Variants in DCHS1 observed in about 807,000 individuals in gnomAD.
DCHS1 encodes protocadherin-16.
A neutral mutation model predicts 213.9 loss-of-function variants in DCHS1; 78 were observed. The ratio of observed to expected loss-of-function variants is 0.36; its 90% CI spans 0.30 to 0.44. The LOEUF (loss-of-function observed/expected upper bound fraction) is 0.44. Among genes scored for constraint, DCHS1 ranks in the 20% least tolerant of loss-of-function variants. DCHS1 has a pLI of 1.00. For synonymous variants in DCHS1, 1,828 were observed against 1,873.7 expected (o/e 0.98, Z 0.63); for missense variants, 3,946 against 4,395.9 (o/e 0.90, Z 2.89).
Position 6,629,744 on chromosome 11 carries a change from T to A in DCHS1, c.4963A>T (p.Ser1655Cys). The A allele has an allele frequency of 6.2e-7, 1 of 1,613,912 alleles. No individual in the cohort carries two copies. Among genetic ancestry groups the A allele is most frequent in the South Asian group, 1.1e-5 (1 of 91,090 alleles). The change falls in exon 11 of 21, where the codon AGC becomes TGC. Residue 1655 changes from serine to cysteine, a missense_variant. By Grantham distance (112) the Ser-to-Cys change is moderately radical (BLOSUM62 -1). This residue lies in a region of DCHS1 where 3,384 missense variants were observed against 3,780.1 expected (regional missense o/e 0.90). Transcript: ENST00000299441. The part of the protein sequence containing the change: ...EAPTFQQQEY[S>C]VLLRENNPPG... Reference sequence around the variant, plus strand: ...GGGTTGTTCTCACGCAAGAGGACGCTGTACTCCTGCTGCTGGAAAGTAGGC... The same window carrying A: ...GGGTTGTTCTCACGCAAGAGGACGCAGTACTCCTGCTGCTGGAAAGTAGGC...
rs1322190073 is a variant in DCHS1 at position 6,630,140 on chromosome 11, C to G, written c.4654G>C (p.Val1552Leu). Residue 1552 changes from valine (V) to leucine (L), a missense_variant, in exon 10 of 21, where the codon GTG becomes CTG. By Grantham distance (32) the Val-to-Leu change is conservative. Transcript: ENST00000299441. ...GGCGGCTGGTCCTCTGGGAGGCGCA[C>G]GCGTGACGGCGAGGCGAAGACAGGC... ...NAPVFASPSR[V>L]RLPEDQPPGP... 1.2e-6 allele frequency: 2 copies of G among 1,604,374 alleles called. No individual in the cohort carries two copies. Among genetic ancestry groups the G allele is most frequent in the Non-Finnish European group, 1.7e-6 (2 of 1,174,880 alleles).
At chr11:6,645,025 C>T (rs2659863) in intron 1 of DCHS1, among the ~76,000 whole-genome samples, 1 of 152,108 alleles carries the variant, frequency 6.6e-6, no homozygotes, top group African/African-American at 2.4e-5. Context: ...CCCCAGGCTG[C>T]GCATTATGTC....
rs1490806308 is a variant in DCHS1, at chr11:6,622,973, C to T, written c.8703G>A (p.Glu2901=). 1 of 1,574,038 alleles carries T rather than the reference C, an allele frequency of 6.4e-7. No homozygotes were observed. The highest frequency in any genetic ancestry group is 1.2e-5 in the South Asian group (1 of 85,952). Residue 2901 remains glutamate (E), a synonymous_variant, in exon 21 of 21, where the codon GAG becomes GAA. Transcript: ENST00000299441. The surrounding 1 kb of genome is among the most constrained non-coding windows in gnomAD (Gnocchi z 5.4). The part of the protein sequence containing the change: ...RREAPRELRL[E]VIARGPLPGS... Reference sequence around the variant, plus strand: ...CAGGCAGAGGCCCCCGTGCTATCACCTCCAGCCTCAGCTCCCGTGGTGCTT... The same window carrying T: ...CAGGCAGAGGCCCCCGTGCTATCACTTCCAGCCTCAGCTCCCGTGGTGCTT...
chr11:6,640,692 C>A lies in DCHS1; in HGVS notation c.922G>T (p.Asp308Tyr). 6.2e-7 allele frequency: 1 copy of A among 1,613,592 alleles called. No homozygotes were observed. The highest frequency in any genetic ancestry group is 8.5e-7 in the Non-Finnish European group (1 of 1,179,886). ...AACTGCAGCAGCCCCGTGTGTGCGT[C>A]GATGGAGAAGGGTCCATCACCCTCG... ...QSEGDGPFSIDAHTGLLQLER... is the reference protein window; with the variant it reads ...QSEGDGPFSIYAHTGLLQLER... Residue 308 changes from aspartate to tyrosine, a missense_variant, in exon 2 of 21, where the codon GAC becomes TAC. Coordinates refer to ENST00000299441, the MANE Select transcript of DCHS1 (RefSeq NM_003737.4). The surrounding 1 kb of genome is among the most constrained non-coding windows in gnomAD (Gnocchi z 6.5).
rs1266237688 is a variant in DCHS1, at chr11:6,647,832, G to A, written c.-120-6099C>T. 3.3e-5 allele frequency among the ~76,000 whole-genome samples: 5 copies of A among 152,190 alleles called. No individual in the cohort carries two copies. The South Asian group carries it at 1.0e-3, about 31-fold the overall frequency. On this transcript the variant is annotated intron_variant, in intron 1 of 20. Coordinates refer to ENST00000299441, the MANE Select transcript of DCHS1 (RefSeq NM_003737.4). Reference sequence around the variant, plus strand: ...GACAGAGTCCTCACAGGGCAAGGGAGGCCTGAAAAAGGAAGAGAATCTGGA... The same window carrying A: ...GACAGAGTCCTCACAGGGCAAGGGAAGCCTGAAAAAGGAAGAGAATCTGGA...
At position 6,624,133 on chromosome 11, in the gene DCHS1, G is replaced by A. The variant is rs1490378006; in HGVS notation, c.7543C>T (p.His2515Tyr). The change falls in exon 21 of 21, where the codon CAT (histidine) becomes TAT (tyrosine). Residue 2515 changes from histidine (H) to tyrosine (Y), a missense_variant. Physicochemically the swap from His to Tyr is moderately conservative, Grantham distance 83. Transcript: ENST00000299441. ...EATDADGSRS[H>Y]AAVDYSIISG... ...ATGATGCTGTAGTCCACAGCGGCAT[G>A]GCTGCGGCTTCCATCAGCATCTGTA... The A allele has an allele frequency of 1.2e-6, 2 of 1,611,694 alleles. No homozygotes were observed. Among genetic ancestry groups the A allele is most frequent in the African/African-American group, 1.3e-5 (1 of 74,940 alleles).
intron 1 of DCHS1, among the ~76,000 whole-genome samples, chr11:6,655,210 C>G (rs1254701302): frequency 6.6e-6 from 1 of 152,126 alleles, no homozygotes; most frequent in East Asian, 1.9e-4. Context: ...CAGAGTGACA[C>G]GCACATGCAC....
chr11:6,630,805 G>A lies in DCHS1; in HGVS notation c.3989C>T (p.Ala1330Val). The change falls in exon 10 of 21, where the codon GCG becomes GTG. Residue 1330 changes from alanine to valine, a missense_variant. Around this residue, in one of 3 missense-constraint regions of DCHS1, gnomAD observed 3,384 missense variants for 3,780.1 expected, o/e 0.90. Coordinates refer to ENST00000299441, the MANE Select transcript of DCHS1 (RefSeq NM_003737.4). Reference sequence around the variant, plus strand: ...CGTCAGCACGACAGGCACTGGTGCCGCTGGGTCCCGCTCTGCGAGATCTGG... The same window carrying A: ...CGTCAGCACGACAGGCACTGGTGCCACTGGGTCCCGCTCTGCGAGATCTGG... ...PPPDLAERDP[A>V]APVPVVLTVT... 1.9e-6 allele frequency: 3 copies of A among 1,541,540 alleles called. No homozygotes were observed. The highest frequency in any genetic ancestry group is 1.8e-6 in the Non-Finnish European group (2 of 1,142,162).
rs377192523 is a variant in DCHS1 at position 6,622,716 on chromosome 11, T to C, written c.8960A>G (p.Gln2987Arg). Residue 2987 changes from glutamine to arginine, a missense_variant, in exon 21 of 21, where the codon CAG becomes CGG. Physicochemically the swap from Gln to Arg is conservative, Grantham distance 43. Around this residue, in one of 3 missense-constraint regions of DCHS1, gnomAD observed 554 missense variants for 590.2 expected, o/e 0.94. Coordinates refer to ENST00000299441, the MANE Select transcript of DCHS1 (RefSeq NM_003737.4). The surrounding 1 kb of genome is among the most constrained non-coding windows in gnomAD (Gnocchi z 5.4). The stretch of plus-strand genomic sequence containing the variant: ...ACTAGGTGGCTCCCGGCCCAGTTTC[T>C]GCAGTGAGTCACTGGCTAGGGGTGC... ...QAAPLASDSL[Q>R]KLGREPPSPP... 6.4e-5 allele frequency: 102 copies of C among 1,592,574 alleles called. No homozygotes were observed. Among genetic ancestry groups the C allele is most frequent in the Non-Finnish European group, 8.4e-5 (98 of 1,169,782 alleles).
intron 6 of DCHS1, 81 bp from the exon 7 acceptor site, chr11:6,631,890 G>A: frequency 6.9e-7 from 1 of 1,455,624 alleles, no homozygotes; most frequent in Non-Finnish European, 9.1e-7. Flanking sequence ...GCTGGTGTTT[G>A]GGGAGTGGGG....
chr11:6,624,760 C>A lies in DCHS1; in HGVS notation c.7255G>T (p.Ala2419Ser). ...TTGGGGTCAACACTGAAGCCATCGG[C>A]AGGGGAAGCCAGGTGGTAGGAAATG... ...GHISYHLASP[A>S]DGFSVDPNNG... The change falls in exon 20 of 21, where the codon GCC becomes TCC. Residue 2419 changes from alanine to serine, a missense_variant. Ala to Ser is a moderately conservative substitution (Grantham distance 99). Coordinates refer to ENST00000299441, the MANE Select transcript of DCHS1 (RefSeq NM_003737.4). The A allele has an allele frequency of 6.2e-7, 1 of 1,613,852 alleles. No individual in the cohort carries two copies. The highest frequency in any genetic ancestry group is 8.5e-7 in the Non-Finnish European group (1 of 1,179,824).
intron 1 of DCHS1, among the ~76,000 whole-genome samples, chr11:6,646,422 C>T (rs890227829): frequency 3.9e-5 from 6 of 152,188 alleles, no homozygotes; most frequent in Admixed American, 3.3e-4. Context: ...CAGCTCTCCC[C>T]TGCACCATCT....
At chr11:6,634,347 C>A in intron 2 of DCHS1, 41 bp from the exon 3 acceptor site, 1 of 1,521,692 alleles carries the variant, frequency 6.6e-7, no homozygotes, top group South Asian at 1.3e-5. Context: ...CTCTTCTTTG[C>A]CAGAAAAGCC....
In DCHS1 at chr11:6,630,767, C is replaced by T; in HGVS notation, c.4027G>A (p.Glu1343Lys). The change falls in exon 10 of 21, where the codon GAG (glutamate) becomes AAG (lysine). Residue 1343 changes from glutamate to lysine, a missense_variant. Coordinates refer to ENST00000299441, the MANE Select transcript of DCHS1 (RefSeq NM_003737.4). ...VPVVLTVTAA[E>K]GLRPGSLLGS... is the part of the protein sequence containing the mutation. ...AACAGAGAGCCGGGCCGCAGTCCCT[C>T]AGCTGCTGTCACCGTCAGCACGACA... 1 of 1,547,014 alleles carries T rather than the reference C, an allele frequency of 6.5e-7. No homozygotes were observed. The highest frequency in any genetic ancestry group is 8.7e-7 in the Non-Finnish European group (1 of 1,147,290).
rs566059806 is a variant in DCHS1 at position 6,639,974 on chromosome 11, A to G, written c.1640T>C (p.Ile547Thr). ...DYELEPQPQL[I>T]VVATDGGLPP... ...CAGGCCACCATCTGTGGCCACCACA[A>G]TCAGCTGTGGCTGAGGTTCCAACTC... The change falls in exon 2 of 21, where the codon ATT (isoleucine) becomes ACT (threonine). Residue 547 changes from isoleucine to threonine, a missense_variant. Coordinates refer to ENST00000299441, the MANE Select transcript of DCHS1 (RefSeq NM_003737.4). The G allele has an allele frequency of 2.4e-5, 38 of 1,613,996 alleles. No homozygotes were observed. The Middle Eastern group carries it at 8.2e-4, about 35-fold the overall frequency.
chr11:6,645,657 G>T (rs1170668409), intron 1 of DCHS1, among the ~76,000 whole-genome samples: 1 of 152,154 alleles, frequency 6.6e-6, no homozygotes, highest in African/African-American at 2.4e-5. Context: ...ACTTCAAGAG[G>T]AGAGACTCAT....
At position 6,641,817 on chromosome 11, in the gene DCHS1, A is replaced by C; in HGVS notation, c.-120-84T>G. On this transcript the variant is annotated intron_variant, in intron 1 of 20. Coordinates refer to ENST00000299441, the MANE Select transcript of DCHS1 (RefSeq NM_003737.4). This position sits in a 1 kb window ranked among gnomAD's most constrained non-coding sequence, Gnocchi z 7.1. ...CCTGGACGAGGCCACATCAACATTC[A>C]GATATGCTCAGCCCCCAGCAGGCCC... 8.6e-7 allele frequency: 1 copy of C among 1,161,270 alleles called. No individual in the cohort carries two copies. Among genetic ancestry groups the C allele is most frequent in the Non-Finnish European group, 1.2e-6 (1 of 855,514 alleles). 71.9% of individuals were successfully genotyped at this position (1,161,270 alleles called of 1,614,324 possible). A position where few individuals can be genotyped will look rare whatever the true frequency, so the allele number is the denominator to read the frequency against.
intron 2 of DCHS1, among the ~76,000 whole-genome samples, chr11:6,635,679 C>G (rs772991330): frequency 5.3e-5 from 8 of 152,152 alleles, no homozygotes; most frequent in Non-Finnish European, 8.8e-5. Context: ...GCTGTGGGCC[C>G]GGATATCCCA....
In DCHS1 at chr11:6,653,579, A is replaced by C. The variant is rs144428462; in HGVS notation, c.-121+1984T>G. Among the ~76,000 whole-genome samples the C allele has an allele frequency of 1.5e-3, 226 of 152,374 alleles. 1 individual carries two copies. The highest frequency in any genetic ancestry group is 5.1e-3 in the African/African-American group (214 of 41,586). ...TGAGGGATGTGGGGTAATGAGTGTGAAGAAAATAGAAAAAAAATCATCTAT... is the reference window on the plus strand; with the variant it reads ...TGAGGGATGTGGGGTAATGAGTGTGCAGAAAATAGAAAAAAAATCATCTAT... On this transcript the variant is annotated intron_variant, in intron 1 of 20. Transcript: ENST00000299441.
Sources: allele counts gnomAD v4.1 joint callset (sites outside exome capture counted in the v4.1 genomes callset), GRCh38; gene constraint gnomAD v4.1.1; regional missense constraint gnomAD v4.1.1; non-coding constraint Gnocchi (gnomAD v3.1); transcripts MANE v1.5; gene names NCBI Gene and HGNC (gene_info 2026-07-23, HGNC 2026-07-21).